Variants in DLEC1 observed in about 807,000 individuals in gnomAD.
DLEC1 encodes the protein DLEC1 cilia and flagella associated protein, also known as deleted in lung and esophageal cancer protein 1.
Under a neutral mutation model 198.1 loss-of-function variants are expected in DLEC1, and 146 were observed. The observed-to-expected ratio is 0.74, with a 90% CI of 0.64 to 0.85. DLEC1 has a LOEUF of 0.85. Among genes scored for constraint, DLEC1 ranks in the 40% least tolerant of loss-of-function variants. DLEC1 has a pLI of 0.00. For synonymous variants in DLEC1, 897 were observed against 866.8 expected, an observed-to-expected ratio of 1.03 and a Z score of -0.61; for missense variants, 2,233 against 2,220.0, an observed-to-expected ratio of 1.01 and a Z score of -0.12.
At chr3:38,065,745 T>G (rs556151544) in intron 6 of DLEC1, among the ~76,000 whole-genome samples, 1 of 152,270 alleles carries the variant, frequency 6.6e-6, no homozygotes, top group Non-Finnish European at 1.5e-5. Context: ...AATACCCATC[T>G]ATGTCTGATC....
At position 38,112,173 on chromosome 3, in the gene DLEC1, G is replaced by A. The variant is rs1699919268; in HGVS notation, c.3515-37G>A. 6.2e-7 allele frequency: 1 copy of A among 1,613,300 alleles called. No homozygotes were observed. The highest frequency in any genetic ancestry group is 1.3e-5 in the African/African-American group (1 of 75,022). The stretch of plus-strand genomic sequence containing the variant: ...GGTTTGGACCTCACTCCCAACCCCA[G>A]GCCCGTGAATCCCCCACAGTCGCGG... On this transcript the variant is annotated intron_variant, in intron 24 of 36. Transcript: ENST00000308059. The surrounding 1 kb of genome is among the most constrained non-coding windows in gnomAD (Gnocchi z 4.8).
chr3:38,063,996 C>CTTTTTTTTTCTTT (rs1696844510), intron 6 of DLEC1, 77 bp downstream of exon 6: 1 of 551,720 alleles, frequency 1.8e-6, no homozygotes, highest in African/African-American at 2.7e-5. Context: ...TGGAAATTTT[C>CTTTTTTTTTCTTT]TTTTTTTTTT....
In DLEC1 at chr3:38,122,906, A is replaced by G; in HGVS notation, c.*494A>G. ...TGTCATCAGTGTTCACATTTTCCAA[A>G]TGAGTTGAAGTGCCTTGATCTGTCC... On this transcript the variant is annotated 3_prime_UTR_variant, in exon 37 of 37. Coordinates refer to ENST00000308059, the MANE Select transcript of DLEC1 (RefSeq NM_007335.4). 2.2e-6 allele frequency: 2 copies of G among 893,134 alleles called. No individual in the cohort carries two copies. The highest frequency in any genetic ancestry group is 1.7e-6 in the Non-Finnish European group (1 of 580,926). The allele number at this position is 893,134 out of a possible 1,614,324, so 55.3% of individuals were successfully genotyped here. A position where few individuals can be genotyped will look rare whatever the true frequency, so the allele number is the denominator to read the frequency against.
rs776426487 is a variant in DLEC1, at chr3:38,039,286, G to C, written c.61G>C (p.Gly21Arg). 1.2e-6 allele frequency: 2 copies of C among 1,614,152 alleles called. No individual in the cohort carries two copies. Among genetic ancestry groups the C allele is most frequent in the Non-Finnish European group, 1.7e-6 (2 of 1,180,020 alleles). ...SLASRTNECQ[G>R]TMWAPTSPPA... Reference sequence around the variant, plus strand: ...AGCGTCCCGGACCAACGAGTGCCAGGGGACAATGTGGGCGCCAACTTCGCC... The same window carrying C: ...AGCGTCCCGGACCAACGAGTGCCAGCGGACAATGTGGGCGCCAACTTCGCC... The change falls in exon 1 of 37, where the codon GGG (glycine) becomes CGG (arginine). Residue 21 changes from glycine (G) to arginine (R), a missense_variant. Physicochemically the swap from Gly to Arg is moderately radical, Grantham distance 125. Coordinates refer to ENST00000308059, the MANE Select transcript of DLEC1 (RefSeq NM_007335.4).
chr3:38,105,151 G>C (rs1699504500), intron 19 of DLEC1, among the ~76,000 whole-genome samples: 1 of 152,060 alleles, frequency 6.6e-6, no homozygotes, highest in Non-Finnish European at 1.5e-5. Context: ...TGTTGTTGGA[G>C]AACCCACTTT....
chr3:38,093,919 C>T (rs1698876511), intron 12 of DLEC1, 152 bp downstream of exon 12: 2 of 1,034,856 alleles, frequency 1.9e-6, no homozygotes, highest in Non-Finnish European at 2.8e-6. Context: ...CAGATTGACC[C>T]AGTCTATCAT....
At position 38,071,539 on chromosome 3, in the gene DLEC1, T is replaced by C. The variant is rs369629681; in HGVS notation, c.1173+7620T>C. Among the ~76,000 whole-genome samples, 236 of 152,204 alleles carry C rather than the reference T, an allele frequency of 1.6e-3. 1 individual carries two copies. The highest frequency in any genetic ancestry group is 5.5e-3 in the African/African-American group (229 of 41,530). On this transcript the variant is annotated intron_variant, in intron 6 of 36. Transcript: ENST00000308059. ...CCTTGTGTGGGAAGAGATTGATAGG[T>C]GGAAATTTCAGCGGGGAAGTAGGTG... is the stretch of plus-strand genomic sequence containing the variant.
Position 38,100,279 on chromosome 3 carries a change from G to A in DLEC1, c.2725-7G>A, listed in dbSNP as rs201475983. 13 of 1,604,576 alleles carry A rather than the reference G, an allele frequency of 8.1e-6. No homozygotes were observed. The highest frequency in any genetic ancestry group is 6.8e-5 in the East Asian group (3 of 44,334). ...GTGCTCATCCTCCTGAGTGTTCTCC[G>A]GGGCAGGTGTCTCCCTTCGACATTG... On this transcript the variant is annotated splice_region_variant and splice_polypyrimidine_tract_variant and intron_variant, in intron 18 of 36. Coordinates refer to ENST00000308059, the MANE Select transcript of DLEC1 (RefSeq NM_007335.4).
At chr3:38,081,915 C>A (rs1222344899) in intron 6 of DLEC1, among the ~76,000 whole-genome samples, 1 of 144,978 alleles carries the variant, frequency 6.9e-6, no homozygotes, top group African/African-American at 2.5e-5. Flanking sequence ...ACCTCCCTCC[C>A]GGACGGGGTG....
In DLEC1 at chr3:38,082,012, G is replaced by A. The variant is rs1254217461; in HGVS notation, c.1174-2146G>A. Among the ~76,000 whole-genome samples the A allele has an allele frequency of 2.2e-3, 243 of 110,994 alleles. 1 individual carries two copies. The highest frequency in any genetic ancestry group is 5.7e-3 in the Middle Eastern group (1 of 176). The allele number at this position is 110,994 out of a possible 152,430, so 72.8% of individuals were successfully genotyped here. On this transcript the variant is annotated intron_variant, in intron 6 of 36. Transcript: ENST00000308059. ...TCACTTCTCAGACGGGGCAGCTGCC[G>A]GGCGGAGGGGCTCCTCACTTCTCAG...
In DLEC1 at chr3:38,112,354, T is replaced by C. The variant is rs750626817; in HGVS notation, c.3659T>C (p.Ile1220Thr). Residue 1220 changes from isoleucine (I) to threonine (T), a missense_variant, in exon 25 of 37, where the codon ATC becomes ACC. Coordinates refer to ENST00000308059, the MANE Select transcript of DLEC1 (RefSeq NM_007335.4). The surrounding 1 kb of genome is among the most constrained non-coding windows in gnomAD (Gnocchi z 4.8). ...TGGGGCGAGTACTGGGACAACCTCA[T>C]CTGCACGGTAAGGGTACACAAGAGG... ...NMWGEYWDNL[I>T]CTVGDLLPEV... 4.6e-5 allele frequency: 75 copies of C among 1,613,948 alleles called. No individual in the cohort carries two copies. The highest frequency in any genetic ancestry group is 6.1e-5 in the Non-Finnish European group (72 of 1,179,994).
At chr3:38,058,810 G>A (rs1696521313) in intron 2 of DLEC1, among the ~76,000 whole-genome samples, 1 of 152,088 alleles carries the variant, frequency 6.6e-6, no homozygotes. Context: ...GGTGGAGGCT[G>A]TGCATGCAGG....
In DLEC1 at chr3:38,097,334, C is replaced by G. The variant is rs1031299558; in HGVS notation, c.2434+59C>G. On this transcript the variant is annotated intron_variant, in intron 16 of 36. Transcript: ENST00000308059. The stretch of plus-strand genomic sequence containing the variant: ...GCCTGGGGCTGGCTCAGGAAGAAAT[C>G]TTCAGAGTTAAAGGGGCTTATGCAG... The G allele has an allele frequency of 1.9e-6, 3 of 1,548,168 alleles. No individual in the cohort carries two copies. In the African/African-American group the frequency reaches 4.1e-5, roughly 21 times the overall value.
At chr3:38,113,640 G>A (rs55726813) in intron 25 of DLEC1, among the ~76,000 whole-genome samples, 28,304 of 150,958 alleles carry the variant, frequency 0.19, 3,150 homozygotes, top group East Asian at 0.32. Flanking sequence ...GCAGTCAGCC[G>A]AGATCATGCC....
At chr3:38,047,064 C>G (rs1393951302) in intron 2 of DLEC1, among the ~76,000 whole-genome samples, 1 of 152,188 alleles carries the variant, frequency 6.6e-6, no homozygotes, top group Non-Finnish European at 1.5e-5. Context: ...ATGTTAACCT[C>G]CATCCCCTGA....
Position 38,116,367 on chromosome 3 carries a change from C to A in DLEC1, c.3857-86C>A. ...CTGGGTATGGGAGAATAGGTCATCTCTGTCTGGGGGTATGAGGAGGAGGGG... is the reference window on the plus strand; with the variant it reads ...CTGGGTATGGGAGAATAGGTCATCTATGTCTGGGGGTATGAGGAGGAGGGG... On this transcript the variant is annotated intron_variant, in intron 27 of 36. Transcript: ENST00000308059. 6 of 1,337,232 alleles carry A rather than the reference C, an allele frequency of 4.5e-6. No homozygotes were observed. The South Asian group carries it at 7.6e-5, about 17-fold the overall frequency. The allele number at this position is 1,337,232 out of a possible 1,614,324, so 82.8% of individuals were successfully genotyped here. A position where few individuals can be genotyped will look rare whatever the true frequency, so the allele number is the denominator to read the frequency against.
chr3:38,055,972 A>G (rs939131366), intron 2 of DLEC1, among the ~76,000 whole-genome samples: 10 of 152,016 alleles, frequency 6.6e-5, no homozygotes, highest in Admixed American at 3.9e-4. Flanking sequence ...TAATCCCAGC[A>G]CTTCGGGAGA....
chr3:38,063,275 C>T (rs1696794555), intron 5 of DLEC1, among the ~76,000 whole-genome samples: 1 of 152,124 alleles, frequency 6.6e-6, no homozygotes, highest in African/African-American at 2.4e-5. Context: ...CTTTATTAGA[C>T]AACTAATATT....
At position 38,095,156 on chromosome 3, in the gene DLEC1, C is replaced by T. The variant is rs1698945626; in HGVS notation, c.2112+85C>T. ...CCTGTGTTCCTCAATCACACTGAAG[C>T]CACAGCTGGGCCCACCGAGGTGCTA... On this transcript the variant is annotated intron_variant, in intron 13 of 36. Transcript: ENST00000308059. 9 of 1,529,666 alleles carry T rather than the reference C, an allele frequency of 5.9e-6. No homozygotes were observed. The South Asian group carries it at 8.6e-5, about 15-fold the overall frequency. 94.8% of individuals were successfully genotyped at this position (1,529,666 alleles called of 1,614,324 possible).
Sources: gnomAD v4.1 joint callset for allele counts (sites outside exome capture counted in the v4.1 genomes callset) on GRCh38, gnomAD v4.1.1 for gene constraint, Gnocchi (gnomAD v3.1) non-coding constraint, MANE v1.5 for transcripts, NCBI Gene and HGNC (gene_info 2026-07-23, HGNC 2026-07-21) for gene names.